EML1: variants seen among roughly 807,000 people sequenced by gnomAD.
EML1 encodes the protein EMAP like 1.
Under a neutral mutation model 110.4 loss-of-function variants are expected in EML1, and 27 were observed. The observed-to-expected ratio is 0.24, with a 90% CI of 0.18 to 0.34. The LOEUF (loss-of-function observed/expected upper bound fraction) is 0.34. Ranked by LOEUF, EML1 falls within the 10% of genes least tolerant of loss-of-function variation. The probability of loss-of-function intolerance (pLI) is 1.00; values close to 1 mark genes in which losing one functional copy is unlikely to be tolerated. For missense variants in EML1, 741 were observed against 1,030.9 expected, an observed-to-expected ratio of 0.72 and a Z score of 3.85; for synonymous variants, 344 against 385.8, an observed-to-expected ratio of 0.89 and a Z score of 1.27.
At chr14:99,747,639 C>CTGCG (rs1359192314) in intron 1 of EML1, among the ~76,000 whole-genome samples, 3 of 152,200 alleles carry the variant, frequency 2.0e-5, no homozygotes, top group Non-Finnish European at 4.4e-5. Flanking sequence ...CAGGGCTGGG[C>CTGCG]TGCGCCTTAG....
chr14:99,877,141 G>A (rs1032934600), intron 3 of EML1, among the ~76,000 whole-genome samples: 44 of 152,096 alleles, frequency 2.9e-4, no homozygotes, highest in Non-Finnish European at 3.8e-4. Context: ...GCATGGTCAG[G>A]TTCTGATGAG....
At chr14:99,782,618 T>TA (rs2057553255) in intron 1 of EML1, among the ~76,000 whole-genome samples, 1 of 152,138 alleles carries the variant, frequency 6.6e-6, no homozygotes, top group African/African-American at 2.4e-5. Flanking sequence ...AGCAACTTCT[T>TA]ATTGAGTTGA....
intron 2 of EML1, among the ~76,000 whole-genome samples, chr14:99,855,903 A>G (rs1185770446): frequency 6.6e-6 from 1 of 152,218 alleles, no homozygotes; most frequent in Non-Finnish European, 1.5e-5. Flanking sequence ...CTCAGTACAT[A>G]GCCTCTGCAA....
intron 16 of EML1, among the ~76,000 whole-genome samples, chr14:99,918,429 G>A (rs1286664768): frequency 2.0e-5 from 3 of 152,224 alleles, no homozygotes; most frequent in Non-Finnish European, 4.4e-5. Flanking sequence ...TCGAGGATTT[G>A]TGGAGCTTCT....
At chr14:99,805,862 T>C (rs1432991115) in intron 1 of EML1, among the ~76,000 whole-genome samples, 1 of 152,068 alleles carries the variant, frequency 6.6e-6, no homozygotes, top group East Asian at 1.9e-4. Context: ...AAGTGTACAG[T>C]TCATGGCGCT....
intron 1 of EML1, among the ~76,000 whole-genome samples, chr14:99,832,809 T>C (rs2058480835): frequency 6.6e-6 from 1 of 152,252 alleles, no homozygotes; most frequent in African/African-American, 2.4e-5. Flanking sequence ...TCTTGTTCTG[T>C]GGCTTATCTT....
At chr14:99,869,751 G>T (rs2059162764) in intron 3 of EML1, among the ~76,000 whole-genome samples, 1 of 152,142 alleles carries the variant, frequency 6.6e-6, no homozygotes. Flanking sequence ...ACGTATTGGT[G>T]CTGTCTTCAC....
intron 4 of EML1, among the ~76,000 whole-genome samples, chr14:99,884,003 C>A (rs954790501): frequency 6.6e-6 from 1 of 152,222 alleles, no homozygotes; most frequent in African/African-American, 2.4e-5. Flanking sequence ...AAGTGTTAAT[C>A]CCAGCTCTGC....
intron 2 of EML1, among the ~76,000 whole-genome samples, chr14:99,861,975 A>G (rs1011863893): frequency 6.6e-6 from 1 of 152,138 alleles, no homozygotes; most frequent in East Asian, 1.9e-4. Flanking sequence ...ACCATGCTCT[A>G]TTGGGATTTC....
At chr14:99,823,138 G>A (rs1290747045) in intron 1 of EML1, among the ~76,000 whole-genome samples, 1 of 152,182 alleles carries the variant, frequency 6.6e-6, no homozygotes, top group Non-Finnish European at 1.5e-5. Context: ...CCGGTTCCAG[G>A]GTGGGGTGGG....
intron 1 of EML1, among the ~76,000 whole-genome samples, chr14:99,757,185 C>CAA (rs1185346678): frequency 4.6e-5 from 7 of 152,064 alleles, no homozygotes; most frequent in Non-Finnish European, 1.0e-4. Flanking sequence ...ACTAAAAATA[C>CAA]AAAATTAGCT....
intron 11 of EML1, 91 bp downstream of exon 11, chr14:99,909,570 A>T (rs535413442): frequency 6.7e-7 from 1 of 1,493,944 alleles, no homozygotes; most frequent in East Asian, 2.3e-5. Flanking sequence ...GATCAACACA[A>T]TCCCTTGGGA....
upstream of EML1, among the ~76,000 whole-genome samples, chr14:99,772,551 G>A (rs550634692): frequency 5.8e-4 from 89 of 152,262 alleles, no homozygotes; most frequent in Middle Eastern, 0.01. Flanking sequence ...CCTAGGTTTG[G>A]ACATTGCTCC....
intron 1 of EML1, among the ~76,000 whole-genome samples, chr14:99,782,061 G>T (rs1049545582): frequency 6.6e-6 from 1 of 152,132 alleles, no homozygotes; most frequent in African/African-American, 2.4e-5. Context: ...CCACCCTATC[G>T]TAGGGCACTG....
chr14:99,786,746 T>A (rs1257505996), intron 1 of EML1, among the ~76,000 whole-genome samples: 1 of 152,222 alleles, frequency 6.6e-6, no homozygotes, highest in Non-Finnish European at 1.5e-5. Context: ...GAGTGCAGAC[T>A]GACTTGAAGT....
intron 17 of EML1, among the ~76,000 whole-genome samples, chr14:99,931,190 A>T (rs563435242): frequency 2.1e-4 from 32 of 152,244 alleles, no homozygotes; most frequent in Non-Finnish European, 3.5e-4. Context: ...GCCAGGAGAG[A>T]GGCTACACCA....
chr14:99,774,658 T>C (rs2057462737), intron 1 of EML1, among the ~76,000 whole-genome samples: 1 of 152,220 alleles, frequency 6.6e-6, no homozygotes, highest in Non-Finnish European at 1.5e-5. Flanking sequence ...GCAGCATGGC[T>C]GAGTGACGTT....
chr14:99,798,263 C>G (rs993164845), intron 1 of EML1, among the ~76,000 whole-genome samples: 7 of 152,140 alleles, frequency 4.6e-5, no homozygotes, highest in African/African-American at 1.7e-4. Context: ...GTTGCTTCAT[C>G]TACACCTGTT....
At position 99,780,115 on chromosome 14, in the gene EML1, C is replaced by A. The variant is rs184835674; in HGVS notation, c.-27+6102C>A. ...GGCAGAGAGAAAGTAAGAGATATATCTCTCTCTCTCCCTTTTTATAAGGTC... is the reference window on the plus strand; with the variant it reads ...GGCAGAGAGAAAGTAAGAGATATATATCTCTCTCTCCCTTTTTATAAGGTC... On this transcript the variant is annotated intron_variant, in intron 1 of 22. Transcript: ENST00000327921. Among the ~76,000 whole-genome samples the A allele has an allele frequency of 1.2e-3, 189 of 152,246 alleles. 1 individual carries two copies. Among genetic ancestry groups the A allele is most frequent in the South Asian group, 7.7e-3 (37 of 4,820 alleles).
Sources: allele counts gnomAD v4.1 joint callset (sites outside exome capture counted in the v4.1 genomes callset), GRCh38; gene constraint gnomAD v4.1.1; transcripts MANE v1.5; gene names NCBI Gene and HGNC (gene_info 2026-07-23, HGNC 2026-07-21).